The following TP53BP1 variants were observed in gnomAD, a reference collection of about 807,000 sequenced individuals.
TP53BP1 encodes the protein TP53-binding protein 1.
In TP53BP1, 61 loss-of-function variants were observed where a neutral mutation model predicts 200.8. The ratio of observed to expected loss-of-function variants is 0.30; its 90% CI spans 0.25 to 0.38. The LOEUF (loss-of-function observed/expected upper bound fraction) is 0.38, where lower values mean the gene tolerates loss of function less well. TP53BP1 is among the 10% of genes least tolerant of loss of function. The probability of loss-of-function intolerance (pLI) is 1.00; values close to 1 mark genes in which losing one functional copy is unlikely to be tolerated. For missense variants in TP53BP1, 2,144 were observed against 2,371.9 expected, an observed-to-expected ratio of 0.90 and a Z score of 2.00; for synonymous variants, 822 against 844.3, an observed-to-expected ratio of 0.97 and a Z score of 0.46.
At chr15:43,423,990 A>G (rs2142993351) in intron 18 of TP53BP1, among the ~76,000 whole-genome samples, 1 of 152,278 alleles carries the variant, frequency 6.6e-6, no homozygotes, top group Non-Finnish European at 1.5e-5. Context: ...CAAGAATACA[A>G]TGATGACTCA....
chr15:43,470,070 G>A lies in TP53BP1; in HGVS notation c.1181-4C>T, dbSNP rs1017394004. 2.5e-6 allele frequency: 4 copies of A among 1,610,206 alleles called. No homozygotes were observed. The highest frequency in any genetic ancestry group is 3.4e-6 in the Non-Finnish European group (4 of 1,178,304). ...ACTGACGTGTCCATTGGCTTATCTG[G>A]TTTAAAACAGGAGAAACAAATTGAG... On this transcript the variant is annotated splice_region_variant and splice_polypyrimidine_tract_variant and intron_variant, in intron 10 of 27. Transcript: ENST00000382044.
chr15:43,485,770 G>A (rs936435094), intron 4 of TP53BP1, among the ~76,000 whole-genome samples: 1 of 150,436 alleles, frequency 6.6e-6, no homozygotes, highest in East Asian at 2.0e-4. Flanking sequence ...TTGAACTCAG[G>A]AGGTGGAAGT....
At chr15:43,431,350 G>GA (rs1184514045) in intron 17 of TP53BP1, among the ~76,000 whole-genome samples, 1 of 151,928 alleles carries the variant, frequency 6.6e-6, no homozygotes, top group African/African-American at 2.4e-5. Flanking sequence ...GCCACTCAAT[G>GA]AAATGTTGTG....
intron 11 of TP53BP1, among the ~76,000 whole-genome samples, chr15:43,469,599 G>A (rs1361053876): frequency 3.3e-5 from 5 of 151,910 alleles, no homozygotes; most frequent in South Asian, 4.1e-4. Context: ...ATGTCACTTC[G>A]CAATTTTGCA....
chr15:43,439,908 C>G (rs868752831), intron 15 of TP53BP1, among the ~76,000 whole-genome samples: 3 of 152,194 alleles, frequency 2.0e-5, no homozygotes, highest in Non-Finnish European at 4.4e-5. Context: ...CAGATACACA[C>G]TCCACTTTCT....
chr15:43,479,770 T>C, intron 6 of TP53BP1, 89 bp downstream of exon 6: 1 of 1,472,766 alleles, frequency 6.8e-7, no homozygotes, highest in Non-Finnish European at 9.3e-7. Context: ...TTAATTTGGA[T>C]AGCTGCAAAA....
intron 11 of TP53BP1, among the ~76,000 whole-genome samples, chr15:43,468,482 G>A (rs2046641989): frequency 6.6e-6 from 1 of 151,382 alleles, no homozygotes; most frequent in Non-Finnish European, 1.5e-5. Flanking sequence ...GGGAAGTCAA[G>A]GCTGCAGTGA....
At chr15:43,414,254 T>C in intron 23 of TP53BP1, 1 of 402,954 alleles carries the variant, frequency 2.5e-6, no homozygotes, top group Non-Finnish European at 5.1e-6. Context: ...AGCCAACTTT[T>C]CTGTGCCTCA....
rs891315318 is a variant in TP53BP1 at position 43,405,242 on chromosome 15, C to G, written c.*2141G>C. The G allele has an allele frequency of 6.2e-7, 1 of 1,613,376 alleles. No homozygotes were observed. Among genetic ancestry groups the G allele is most frequent in the Admixed American group, 1.7e-5 (1 of 60,012 alleles). The stretch of plus-strand genomic sequence containing the variant: ...ATTTCTGGCTCATAAATTGAAATAA[C>G]AGCCACGTTCCCAAGGTTGTAACAG... On this transcript the variant is annotated 3_prime_UTR_variant, in exon 28 of 28. Coordinates refer to ENST00000382044, the MANE Select transcript of TP53BP1 (RefSeq NM_001141980.3).
intron 21 of TP53BP1, among the ~76,000 whole-genome samples, chr15:43,417,819 A>G (rs1339401815): frequency 5.3e-5 from 8 of 152,216 alleles, no homozygotes; most frequent in Non-Finnish European, 1.2e-4. Context: ...AATAATGAAC[A>G]AAGGGCAAAC....
At position 43,420,446 on chromosome 15, in the gene TP53BP1, C is replaced by T; in HGVS notation, c.4540G>A (p.Asp1514Asn). ...AATTTATACTTCCCAGCTCCGACAT[C>T]TCGTGTGATTTTCCCAGAGTAAAAG... ...GYFYSGKITR[D>N]VGAGKYKLLF... The change falls in exon 21 of 28, where the codon GAT (aspartate) becomes AAT (asparagine). Residue 1514 changes from aspartate (D) to asparagine (N), a missense_variant. Around this residue, in one of 4 missense-constraint regions of TP53BP1, gnomAD observed 61 missense variants for 147.5 expected, o/e 0.41. Transcript: ENST00000382044. 6.2e-7 allele frequency: 1 copy of T among 1,614,210 alleles called. No homozygotes were observed. The highest frequency in any genetic ancestry group is 8.5e-7 in the Non-Finnish European group (1 of 1,180,046).
At position 43,432,420 on chromosome 15, in the gene TP53BP1, T is replaced by C. The variant is rs373383134; in HGVS notation, c.3449A>G (p.Glu1150Gly). 83 of 1,614,080 alleles carry C rather than the reference T, an allele frequency of 5.1e-5. No individual in the cohort carries two copies. The highest frequency in any genetic ancestry group is 2.2e-5 in the East Asian group (1 of 44,894). Residue 1150 changes from glutamate to glycine, a missense_variant, in exon 17 of 28, where the codon GAA becomes GGA. Glu to Gly is a moderately conservative substitution (Grantham distance 98). This residue lies in a region of TP53BP1 where 1,700 missense variants were observed against 1,710.3 expected (regional missense o/e 0.99). Transcript: ENST00000382044. ...TCCTATGTTATTTTGGCTGGGCCTT[T>C]CAATCAAGGCCTTACTAGGATTTTC... ...NKENPSKALI[E>G]RPSQNNIGIQ...
Position 43,409,709 on chromosome 15 carries a change from A to AC in TP53BP1, c.5337dup (p.Tyr1780ValfsTer15). On this transcript the variant is annotated frameshift_variant, in exon 25 of 28. Transcript: ENST00000382044. LOFTEE classifies it high-confidence loss of function. ...CCTGCTCGAAGCTGGGATTCTGTAT[A>AC]CTGCTTGTTGAAAGGAGGAATTTCC... 1 of 1,568,826 alleles carries AC rather than the reference A, an allele frequency of 6.4e-7. No individual in the cohort carries two copies. The highest frequency in any genetic ancestry group is 8.6e-7 in the Non-Finnish European group (1 of 1,159,908).
intron 16 of TP53BP1, among the ~76,000 whole-genome samples, chr15:43,435,623 A>G (rs1045772023): frequency 1.3e-5 from 2 of 152,214 alleles, no homozygotes; most frequent in African/African-American, 4.8e-5. Flanking sequence ...CATTTAATGC[A>G]CTGACATATT....
At chr15:43,445,556 T>C (rs1262690715) in intron 14 of TP53BP1, among the ~76,000 whole-genome samples, 4 of 152,216 alleles carry the variant, frequency 2.6e-5, no homozygotes, top group East Asian at 3.8e-4. Flanking sequence ...GCACCAATTA[T>C]TGTGACCTTA....
rs1001114097 is a variant in TP53BP1 at position 43,406,420 on chromosome 15, G to A, written c.*963C>T. 5.8e-5 allele frequency: 20 copies of A among 346,346 alleles called. No homozygotes were observed. The highest frequency in any genetic ancestry group is 3.9e-4 in the African/African-American group (18 of 46,504). 21.5% of individuals were successfully genotyped at this position (346,346 alleles called of 1,614,324 possible). On this transcript the variant is annotated 3_prime_UTR_variant, in exon 28 of 28. Transcript: ENST00000382044. ...CACCCTTTCTACTGCTGTCTCTGGAGCAGGAGCTGGCAAACTATGGCCTGC... is the reference window on the plus strand; with the variant it reads ...CACCCTTTCTACTGCTGTCTCTGGAACAGGAGCTGGCAAACTATGGCCTGC...
At chr15:43,469,359 T>G (rs2046665575) in intron 11 of TP53BP1, among the ~76,000 whole-genome samples, 1 of 152,116 alleles carries the variant, frequency 6.6e-6, no homozygotes, top group Non-Finnish European at 1.5e-5. Flanking sequence ...AAAGGATAAG[T>G]GAAGACAATA....
intron 14 of TP53BP1, among the ~76,000 whole-genome samples, chr15:43,443,985 T>C (rs967835081): frequency 6.6e-6 from 1 of 152,218 alleles, no homozygotes; most frequent in African/African-American, 2.4e-5. Context: ...GCTCACACCC[T>C]GGCTATTGCA....
Position 43,493,117 on chromosome 15 carries a change from G to T in TP53BP1, c.-74C>A. ...CCAAGTCCCTCCAGATCGATCCCTA[G>T]GTCGCCGCTGTCGCCACCGCCGCCA... On this transcript the variant is annotated 5_prime_UTR_variant, in exon 1 of 28. Coordinates refer to ENST00000382044, the MANE Select transcript of TP53BP1 (RefSeq NM_001141980.3). The T allele has an allele frequency of 6.3e-7, 1 of 1,598,648 alleles. No homozygotes were observed. Among genetic ancestry groups the T allele is most frequent in the Non-Finnish European group, 8.5e-7 (1 of 1,175,408 alleles).
Sources: allele counts gnomAD v4.1 joint callset (sites outside exome capture counted in the v4.1 genomes callset), GRCh38; gene constraint gnomAD v4.1.1; regional missense constraint gnomAD v4.1.1; transcripts MANE v1.5; gene names NCBI Gene and HGNC (gene_info 2026-07-23, HGNC 2026-07-21).